NRG3: variants seen among roughly 807,000 people sequenced by gnomAD.
The protein encoded by NRG3 is pro-neuregulin-3, membrane-bound isoform.
In NRG3, 31 loss-of-function variants were observed where a neutral mutation model predicts 66.9. The observed-to-expected ratio is 0.46, with a 90% CI of 0.35 to 0.63. The LOEUF (loss-of-function observed/expected upper bound fraction) is 0.63. NRG3 is among the 20% of genes least tolerant of loss of function. The pLI, the probability that NRG3 is intolerant of heterozygous loss-of-function variation, is 0.00. For missense variants in NRG3, 910 were observed against 878.9 expected (o/e 1.04, Z -0.45); for synonymous variants, 393 against 359.4 (o/e 1.09, Z -1.06).
At chr10:82,407,929 C>T (rs2087655963) in intron 2 of NRG3, among the ~76,000 whole-genome samples, 1 of 151,496 alleles carries the variant, frequency 6.6e-6, no homozygotes, top group Admixed American at 6.6e-5. Flanking sequence ...ATTAGTCAGG[C>T]ATGATGGTGC....
At chr10:82,175,674 A>G (rs550564738) in intron 1 of NRG3, among the ~76,000 whole-genome samples, 66 of 152,278 alleles carry the variant, frequency 4.3e-4, no homozygotes, top group Non-Finnish European at 6.8e-4. Context: ...AGCTGTTCAC[A>G]TATCTTTCTC....
At chr10:82,453,616 G>T (rs1217198832) in intron 2 of NRG3, among the ~76,000 whole-genome samples, 1 of 151,820 alleles carries the variant, frequency 6.6e-6, no homozygotes, top group African/African-American at 2.4e-5. Flanking sequence ...ATGGCACCTG[G>T]TGTCTATACT....
At chr10:82,776,551 C>T (rs1373133767) in intron 3 of NRG3, among the ~76,000 whole-genome samples, 7 of 152,094 alleles carry the variant, frequency 4.6e-5, no homozygotes, top group African/African-American at 1.7e-4. Context: ...CTCTGAAACT[C>T]TCATAATCTG....
chr10:82,952,442 T>G (rs1480387279), intron 5 of NRG3, among the ~76,000 whole-genome samples: 2 of 131,144 alleles, frequency 1.5e-5, no homozygotes, highest in Non-Finnish European at 3.4e-5. Context: ...AAAAAAAAAG[T>G]AGATATAAAC....
chr10:82,671,501 C>T (rs1289613128), intron 2 of NRG3, among the ~76,000 whole-genome samples: 2 of 152,152 alleles, frequency 1.3e-5, no homozygotes, highest in East Asian at 1.9e-4. Context: ...ATATATGGAG[C>T]AGTGGATTAG....
chr10:82,229,603 G>A (rs1378969210), intron 1 of NRG3, among the ~76,000 whole-genome samples: 1 of 152,134 alleles, frequency 6.6e-6, no homozygotes, highest in Admixed American at 6.5e-5. Flanking sequence ...TGGCAGAAGA[G>A]GAAACAACCA....
chr10:82,167,084 T>A (rs1004097692), intron 1 of NRG3, among the ~76,000 whole-genome samples: 22 of 152,054 alleles, frequency 1.4e-4, no homozygotes, highest in African/African-American at 5.1e-4. Flanking sequence ...TTATATAGTT[T>A]TATTCTTTTT....
intron 3 of NRG3, among the ~76,000 whole-genome samples, chr10:82,768,138 TAGG>T (rs2059586127): frequency 6.6e-6 from 1 of 152,024 alleles, no homozygotes; most frequent in African/African-American, 2.4e-5. Flanking sequence ...AAGTCAAGAG[TAGG>T]AGAAATGTGT....
intron 1 of NRG3, among the ~76,000 whole-genome samples, chr10:82,315,879 G>C (rs2135054905): frequency 6.6e-6 from 1 of 152,118 alleles, no homozygotes; most frequent in East Asian, 1.9e-4. Flanking sequence ...TGGCCAGGCT[G>C]GTCTTGAACT....
At chr10:82,906,433 G>T (rs1022329213) in intron 4 of NRG3, among the ~76,000 whole-genome samples, 3 of 152,136 alleles carry the variant, frequency 2.0e-5, no homozygotes, top group African/African-American at 7.2e-5. Flanking sequence ...TTCTATAGGT[G>T]TTGGGGAATA....
intron 1 of NRG3, among the ~76,000 whole-genome samples, chr10:82,206,154 A>T (rs1490449493): frequency 6.6e-6 from 1 of 152,006 alleles, no homozygotes; most frequent in Admixed American, 6.6e-5. Flanking sequence ...TACCACCTTA[A>T]TCTCTCCTGC....
At chr10:82,387,371 T>G (rs1242928790) in intron 2 of NRG3, among the ~76,000 whole-genome samples, 2 of 152,200 alleles carry the variant, frequency 1.3e-5, no homozygotes, top group Non-Finnish European at 2.9e-5. Context: ...TTGTCATTTC[T>G]ATTTCCAGTT....
intron 2 of NRG3, among the ~76,000 whole-genome samples, chr10:82,636,968 T>C (rs567829058): frequency 6.6e-6 from 1 of 152,142 alleles, no homozygotes; most frequent in African/African-American, 2.4e-5. Context: ...ATATGTAGGA[T>C]GAACAAATTT....
At chr10:82,080,233 C>T (rs528466932) in intron 1 of NRG3, among the ~76,000 whole-genome samples, 1 of 152,024 alleles carries the variant, frequency 6.6e-6, no homozygotes, top group African/African-American at 2.4e-5. Context: ...GTTTGCATCT[C>T]CTAGGGAGAT....
chr10:81,934,270 A>G (rs758557539), intron 1 of NRG3, among the ~76,000 whole-genome samples: 2 of 152,214 alleles, frequency 1.3e-5, no homozygotes, highest in African/African-American at 4.8e-5. Flanking sequence ...TTTCTGTTGC[A>G]TAAACAGTGC....
chr10:82,734,473 C>T lies in NRG3; in HGVS notation c.954-4104C>T, dbSNP rs117185976. Among the ~76,000 whole-genome samples, 142 of 152,148 alleles carry T rather than the reference C, an allele frequency of 9.3e-4. 2 individuals carry two copies. In the East Asian group the frequency reaches 0.017, roughly 19 times the overall value. On this transcript the variant is annotated intron_variant, in intron 2 of 8. Transcript: ENST00000372141. ...AGATTTGCTGTGGGGAAGGGAAGGT[C>T]CTGAGCCTCTATTTGGCCCTGAGGC...
intron 2 of NRG3, among the ~76,000 whole-genome samples, chr10:82,405,557 A>G (rs1334988990): frequency 2.7e-5 from 4 of 148,936 alleles, no homozygotes; most frequent in African/African-American, 5.0e-5. Context: ...CCTGGGTTCA[A>G]GTGATTCTCA....
At chr10:82,895,433 T>A (rs1181316561) in intron 4 of NRG3, among the ~76,000 whole-genome samples, 1 of 151,866 alleles carries the variant, frequency 6.6e-6, no homozygotes, top group African/African-American at 2.4e-5. Context: ...AGTTTAATCA[T>A]ATTTTAAGAT....
chr10:82,272,701 C>T (rs1174201710), intron 1 of NRG3, among the ~76,000 whole-genome samples: 2 of 152,016 alleles, frequency 1.3e-5, no homozygotes, highest in Non-Finnish European at 2.9e-5. Flanking sequence ...TCATCCTGTT[C>T]TCTGACAATA....
Sources: gnomAD v4.1 joint callset for allele counts (sites outside exome capture counted in the v4.1 genomes callset) on GRCh38, gnomAD v4.1.1 for gene constraint, MANE v1.5 for transcripts, NCBI Gene and HGNC (gene_info 2026-07-23, HGNC 2026-07-21) for gene names.